Variants in E2F8 observed in about 807,000 individuals in gnomAD.
E2F8 encodes E2F transcription factor 8.
In E2F8, 35 loss-of-function variants were observed where a neutral mutation model predicts 80.8. That is an observed-to-expected ratio of 0.43 (90% CI 0.33 to 0.57). E2F8 has a LOEUF of 0.57. E2F8 is among the 20% of genes least tolerant of loss of function. The pLI is 0.04. For synonymous variants in E2F8, 386 were observed against 395.0 expected (o/e 0.98, Z 0.27); for missense variants, 975 against 1,056.2 (o/e 0.92, Z 1.07).
At chr11:19,230,420 G>A (rs1851346681) in intron 8 of E2F8, 92 bp from the exon 9 acceptor site, 1 of 1,342,430 alleles carries the variant, frequency 7.4e-7, no homozygotes, top group African/African-American at 1.5e-5. Context: ...GGAACAGAAA[G>A]TGTGCACCTC....
chr11:19,233,377 T>C (rs1851428104), intron 6 of E2F8, among the ~76,000 whole-genome samples: 1 of 152,180 alleles, frequency 6.6e-6, no homozygotes, highest in Non-Finnish European at 1.5e-5. Flanking sequence ...TGGGGACAAT[T>C]TTATGAGTCA....
Position 19,228,449 on chromosome 11 carries a change from T to G in E2F8, c.1893+1005A>C, listed in dbSNP as rs562206652. Among the ~76,000 whole-genome samples, 20 of 152,350 alleles carry G rather than the reference T, an allele frequency of 1.3e-4. No individual in the cohort carries two copies. In the South Asian group the frequency reaches 3.7e-3, roughly 28 times the overall value. On this transcript the variant is annotated intron_variant, in intron 10 of 12. Coordinates refer to ENST00000250024, the MANE Select transcript of E2F8 (RefSeq NM_024680.4). Reference sequence around the variant, plus strand: ...GTCTTAAAAGGATCAAACCCTTTTATGTGTATCATCATGGAATAAATTCAC... The same window carrying G: ...GTCTTAAAAGGATCAAACCCTTTTAGGTGTATCATCATGGAATAAATTCAC...
intron 6 of E2F8, among the ~76,000 whole-genome samples, chr11:19,233,839 A>T (rs1189784991): frequency 1.3e-5 from 2 of 151,880 alleles, no homozygotes; most frequent in Non-Finnish European, 2.9e-5. Context: ...AATGTGTCAA[A>T]TAAGAGTAGT....
In E2F8 at chr11:19,225,279, G is replaced by T. The variant is rs770128838; in HGVS notation, c.2363C>A (p.Pro788Gln). 6 of 1,614,008 alleles carry T rather than the reference G, an allele frequency of 3.7e-6. No individual in the cohort carries two copies. In the East Asian group the frequency reaches 1.3e-4, roughly 36 times the overall value. Residue 788 changes from proline (P) to glutamine (Q), a missense_variant, in exon 12 of 13, where the codon CCA becomes CAA. By Grantham distance (76) the Pro-to-Gln change is moderately conservative. Transcript: ENST00000250024. ...ATTTGGCTGGCTCTGGCCTGGGACT[G>T]GTGAGTCATAGTTGGTGGCCCTTCC... ...QQGRATNYDS[P>Q]VPGQSQPNGQ...
intron 4 of E2F8, 74 bp downstream of exon 4, chr11:19,237,240 G>C: frequency 3.6e-6 from 5 of 1,393,062 alleles, no homozygotes; most frequent in Non-Finnish European, 5.1e-6. Flanking sequence ...CTAGATGAGC[G>C]GGGGTCTGAA....
chr11:19,234,238 A>G (rs767779531), intron 6 of E2F8, 122 bp downstream of exon 6: 23 of 1,140,340 alleles, frequency 2.0e-5, no homozygotes, highest in Middle Eastern at 2.0e-4. Context: ...GAGAAGATAT[A>G]AAAACATAAT....
chr11:19,229,566 C>T lies in E2F8; in HGVS notation c.1781G>A (p.Arg594Gln), dbSNP rs143700744. The T allele has an allele frequency of 1.1e-5, 18 of 1,614,112 alleles. No homozygotes were observed. Among genetic ancestry groups the T allele is most frequent in the African/African-American group, 6.7e-5 (5 of 74,942 alleles). The change falls in exon 10 of 13, where the codon CGA (arginine) becomes CAA (glutamine). Residue 594 changes from arginine (R) to glutamine (Q), a missense_variant. Physicochemically the swap from Arg to Gln is conservative, Grantham distance 43 (BLOSUM62 1). Transcript: ENST00000250024. This position sits in a 1 kb window ranked among gnomAD's most constrained non-coding sequence, Gnocchi z 4.3. Reference sequence around the variant, plus strand: ...TCTTTCTCCAGCTGGCTCCCTGGTTCGGCTCTTTGCCCCTTGCCTCTCTGG... The same window carrying T: ...TCTTTCTCCAGCTGGCTCCCTGGTTTGGCTCTTTGCCCCTTGCCTCTCTGG... ...PAPERQGAKS[R>Q]TREPAGERGS...
At chr11:19,241,073 G>C (rs1235447281), upstream of E2F8, 1 of 152,300 alleles carries the variant, frequency 6.6e-6, no homozygotes, top group African/African-American at 2.4e-5. The surrounding 1 kb of genome is among the most constrained non-coding windows in gnomAD (Gnocchi z 4.5). Flanking sequence ...CAGAGGGCCG[G>C]AAGCGGGCCT....
Position 19,234,917 on chromosome 11 carries a change from T to A in E2F8, c.593A>T (p.Glu198Val). 1 of 1,614,210 alleles carries A rather than the reference T, an allele frequency of 6.2e-7. No homozygotes were observed. The highest frequency in any genetic ancestry group is 8.5e-7 in the Non-Finnish European group (1 of 1,180,026). ...AATCTGCTCGGCGTACTTATTCTCCTCCCCGATGCTCTTCAAGGTGCCAAG... is the reference window on the plus strand; with the variant it reads ...AATCTGCTCGGCGTACTTATTCTCCACCCCGATGCTCTTCAAGGTGCCAAG... ...KTLGTLKSIG[E>V]ENKYAEQIMM... The change falls in exon 5 of 13, where the codon GAG (glutamate) becomes GTG (valine). Residue 198 changes from glutamate (E) to valine (V), a missense_variant. Glu to Val is a moderately radical substitution (Grantham distance 121). Coordinates refer to ENST00000250024, the MANE Select transcript of E2F8 (RefSeq NM_024680.4).
Position 19,230,231 on chromosome 11 carries a change from G to C in E2F8, c.1358+10C>G, listed in dbSNP as rs757558531. ...ATTCATCCTGTTATTAAAGAGGATTGCCAACCTACCTTGATTGCTCTTCTA... is the reference window on the plus strand; with the variant it reads ...ATTCATCCTGTTATTAAAGAGGATTCCCAACCTACCTTGATTGCTCTTCTA... On this transcript the variant is annotated intron_variant, in intron 9 of 12. Coordinates refer to ENST00000250024, the MANE Select transcript of E2F8 (RefSeq NM_024680.4). The C allele has an allele frequency of 1.2e-6, 2 of 1,607,678 alleles. No individual in the cohort carries two copies. The highest frequency in any genetic ancestry group is 2.2e-5 in the East Asian group (1 of 44,860).
At chr11:19,230,210 A>G in intron 9 of E2F8, 31 bp downstream of exon 9, 1 of 1,596,204 alleles carries the variant, frequency 6.3e-7, no homozygotes, top group Non-Finnish European at 8.5e-7. Context: ...AAAGTAATTC[A>G]TCCTGTTATT....
At position 19,224,699 on chromosome 11, in the gene E2F8, G is replaced by A; in HGVS notation, c.2563C>T (p.Pro855Ser). Residue 855 changes from proline to serine, a missense_variant, in exon 13 of 13, where the codon CCA (proline) becomes TCA (serine). Coordinates refer to ENST00000250024, the MANE Select transcript of E2F8 (RefSeq NM_024680.4). ...NKTSLGTLFV[P>S]QRKLEVSTED... ...GTTGAGACTTCCAGTTTTCGCTGTG[G>A]GACAAAGAGAGTTCCTAAGGAGGTT... 6.2e-7 allele frequency: 1 copy of A among 1,614,146 alleles called. No homozygotes were observed. The highest frequency in any genetic ancestry group is 8.5e-7 in the Non-Finnish European group (1 of 1,180,028).
In E2F8 at chr11:19,230,708, A is replaced by T; in HGVS notation, c.1193T>A (p.Ile398Asn). 1 of 1,614,188 alleles carries T rather than the reference A, an allele frequency of 6.2e-7. No homozygotes were observed. Among genetic ancestry groups the T allele is most frequent in the Non-Finnish European group, 8.5e-7 (1 of 1,180,026 alleles). Residue 398 changes from isoleucine (I) to asparagine (N), a missense_variant, in exon 8 of 13, where the codon ATC (isoleucine) becomes AAC (asparagine). Coordinates refer to ENST00000250024, the MANE Select transcript of E2F8 (RefSeq NM_024680.4). ...KPNFTRHPSL[I>N]KLVKSIESDR... ...ACTTTCTATACTCTTTACCAATTTG[A>T]TAAGAGATGGGTGTCGAGTAAAGTT...
chr11:19,239,909 T>C (rs1352638814), intron 2 of E2F8, among the ~76,000 whole-genome samples, 198 bp downstream of exon 2: 1 of 151,154 alleles, frequency 6.6e-6, no homozygotes, highest in East Asian at 1.9e-4. Flanking sequence ...TTTTAAACTA[T>C]ATTAATTAAA....
chr11:19,234,271 C>A (rs879113501), intron 6 of E2F8, 89 bp downstream of exon 6: 2 of 1,434,910 alleles, frequency 1.4e-6, no homozygotes, highest in African/African-American at 2.8e-5. Flanking sequence ...GTTTATGCAC[C>A]TATGTTTCCT....
In E2F8 at chr11:19,234,766, G is replaced by A. The variant is rs753311837; in HGVS notation, c.744C>T (p.Leu248=). The change falls in exon 5 of 13, where the codon CTC becomes CTT. Residue 248 remains leucine (L), a synonymous_variant. Transcript: ENST00000250024. ...CACCTGCCCGAAATTCCACTCCAGG[G>A]AGTTCCACAAAACACATGTCTGGGT... ...NGHPDMCFVE[L]PGVEFRAASV... 4 of 1,612,764 alleles carry A rather than the reference G, an allele frequency of 2.5e-6. No individual in the cohort carries two copies. In the East Asian group the frequency reaches 6.7e-5, roughly 27 times the overall value.
chr11:19,236,150 C>A (rs1014545559), intron 4 of E2F8, among the ~76,000 whole-genome samples: 3 of 152,184 alleles, frequency 2.0e-5, no homozygotes, highest in Non-Finnish European at 4.4e-5. Flanking sequence ...GTCCCTGGAA[C>A]CTGCCAGATA....
chr11:19,230,049 C>T (rs117358965), intron 9 of E2F8, 61 bp from the exon 10 acceptor site: 103 of 1,594,686 alleles, frequency 6.5e-5, no homozygotes, highest in Admixed American at 1.5e-4. Context: ...ACTGTTCTAC[C>T]GCTTTAAGCC....
intron 10 of E2F8, among the ~76,000 whole-genome samples, chr11:19,228,617 C>A (rs10500844): frequency 0.62 from 95,004 of 152,062 alleles, 30,572 homozygotes; most frequent in Non-Finnish European, 0.71. Flanking sequence ...GGAATAAATT[C>A]TTTACCGATG....
Sources: allele counts gnomAD v4.1 joint callset (sites outside exome capture counted in the v4.1 genomes callset), GRCh38; gene constraint gnomAD v4.1.1; non-coding constraint Gnocchi (gnomAD v3.1); transcripts MANE v1.5; gene names NCBI Gene and HGNC (gene_info 2026-07-23, HGNC 2026-07-21).